Variants in ARHGAP44 observed in about 807,000 individuals in gnomAD.
ARHGAP44 encodes the protein Rho GTPase activating protein 44.
ARHGAP44 carries 43 observed loss-of-function variants against 106.8 expected under a neutral mutation model. The ratio of observed to expected loss-of-function variants is 0.40; its 90% CI spans 0.32 to 0.52. The LOEUF (loss-of-function observed/expected upper bound fraction) is 0.52. Among genes scored for constraint, ARHGAP44 ranks in the 20% least tolerant of loss-of-function variants. The pLI, the probability that ARHGAP44 is intolerant of heterozygous loss-of-function variation, is 0.48. For synonymous variants in ARHGAP44, 439 were observed against 410.3 expected (o/e 1.07, Z -0.85); for missense variants, 866 against 1,050.5 (o/e 0.82, Z 2.43).
At chr17:12,942,739 C>T (rs1333995287) in intron 8 of ARHGAP44, among the ~76,000 whole-genome samples, 2 of 152,190 alleles carry the variant, frequency 1.3e-5, no homozygotes, top group South Asian at 2.1e-4. Flanking sequence ...CTTATACATG[C>T]CCAGTTTTGG....
intron 1 of ARHGAP44, among the ~76,000 whole-genome samples, chr17:12,809,753 T>C (rs1421813185): frequency 6.6e-6 from 1 of 152,074 alleles, no homozygotes; most frequent in African/African-American, 2.4e-5. Context: ...AGTGAGATAA[T>C]GGTCATCTAG....
intron 19 of ARHGAP44, among the ~76,000 whole-genome samples, chr17:12,980,595 G>A (rs1193785048): frequency 2.6e-5 from 4 of 152,068 alleles, no homozygotes; most frequent in African/African-American, 9.7e-5. Flanking sequence ...CTCCTTCCCC[G>A]CAGGGCAGCC....
At chr17:12,841,262 G>A (rs563361754) in intron 1 of ARHGAP44, among the ~76,000 whole-genome samples, 20 of 152,234 alleles carry the variant, frequency 1.3e-4, no homozygotes, top group Middle Eastern at 3.4e-3. Flanking sequence ...CCCAGAACTA[G>A]GAAATGGATT....
At chr17:12,802,835 T>G in intron 1 of ARHGAP44, among the ~76,000 whole-genome samples, 1 of 135,182 alleles carries the variant, frequency 7.4e-6, no homozygotes. Context: ...CTCGGTCCAC[T>G]GCAACCTCCG....
intron 1 of ARHGAP44, among the ~76,000 whole-genome samples, chr17:12,887,383 C>T (rs1241349677): frequency 1.3e-5 from 2 of 151,992 alleles, no homozygotes; most frequent in Admixed American, 6.6e-5. Flanking sequence ...CATGTACTAC[C>T]ATGCCTGGCT....
intron 6 of ARHGAP44, among the ~76,000 whole-genome samples, chr17:12,926,154 C>G (rs2150962531): frequency 6.6e-6 from 1 of 152,052 alleles, no homozygotes; most frequent in African/African-American, 2.4e-5. Flanking sequence ...GGCCTGAGGT[C>G]AGGAGTTCAA....
In ARHGAP44 at chr17:12,991,447, A is replaced by G. The variant is rs903533472; in HGVS notation, c.*1276A>G. On this transcript the variant is annotated 3_prime_UTR_variant, in exon 21 of 21. Coordinates refer to ENST00000379672, the MANE Select transcript of ARHGAP44 (RefSeq NM_014859.6). ...TTAGTTATTTTTCCCAACACAGTGTAAAGTCACCCTCCTCTGAGAGTGGGA... is the reference window on the plus strand; with the variant it reads ...TTAGTTATTTTTCCCAACACAGTGTGAAGTCACCCTCCTCTGAGAGTGGGA... 5.9e-6 allele frequency: 1 copy of G among 168,436 alleles called. No homozygotes were observed. Among genetic ancestry groups the G allele is most frequent in the Non-Finnish European group, 1.3e-5 (1 of 77,166 alleles). The allele number at this position is 168,436 out of a possible 1,614,324, so 10.4% of individuals were successfully genotyped here. A position where few individuals can be genotyped will look rare whatever the true frequency, so the allele number is the denominator to read the frequency against.
chr17:12,874,276 A>C (rs1054162373), intron 1 of ARHGAP44, among the ~76,000 whole-genome samples: 1 of 152,220 alleles, frequency 6.6e-6, no homozygotes, highest in South Asian at 2.1e-4. Context: ...ATGGCTGAAG[A>C]CCGGGTCACA....
chr17:12,926,590 G>A (rs946113362), intron 6 of ARHGAP44, among the ~76,000 whole-genome samples: 1 of 147,606 alleles, frequency 6.8e-6, no homozygotes, highest in East Asian at 2.0e-4. Flanking sequence ...TATAAAAAGG[G>A]GAAATGTATA....
intron 1 of ARHGAP44, among the ~76,000 whole-genome samples, chr17:12,835,846 C>T (rs2035222318): frequency 6.6e-6 from 1 of 152,138 alleles, no homozygotes; most frequent in African/African-American, 2.4e-5. Flanking sequence ...CTTTCTGTCT[C>T]TGTGAATTTG....
At chr17:12,932,235 T>C (rs2038423311) in intron 7 of ARHGAP44, among the ~76,000 whole-genome samples, 1 of 152,238 alleles carries the variant, frequency 6.6e-6, no homozygotes, top group Non-Finnish European at 1.5e-5. Flanking sequence ...AAAAACTACC[T>C]CTTCACTATT....
intron 16 of ARHGAP44, among the ~76,000 whole-genome samples, chr17:12,972,474 C>G (rs986120841): frequency 6.6e-6 from 1 of 151,686 alleles, no homozygotes; most frequent in African/African-American, 2.4e-5. Context: ...ATGGTTAAAC[C>G]CTGTCTCTAC....
chr17:12,955,743 T>C, intron 13 of ARHGAP44, 124 bp from the exon 14 acceptor site: 1 of 616,880 alleles, frequency 1.6e-6, no homozygotes, highest in South Asian at 2.1e-5. Context: ...GTTCATTACA[T>C]TGCAGGTGCA....
chr17:12,864,069 T>G (rs1306832647), intron 1 of ARHGAP44, among the ~76,000 whole-genome samples: 2 of 152,180 alleles, frequency 1.3e-5, no homozygotes, highest in African/African-American at 4.8e-5. Context: ...GGGATGTCAT[T>G]ACTGTCACAT....
chr17:12,812,436 A>G lies in ARHGAP44; in HGVS notation c.53+22545A>G, dbSNP rs192718636. ...TACACTAAAGCAAAGGGGACATGCA[A>G]ATCTAAGACCTGGATCTAGATGTGT... On this transcript the variant is annotated intron_variant, in intron 1 of 20. Transcript: ENST00000379672. Among the ~76,000 whole-genome samples, 154 of 152,332 alleles carry G rather than the reference A, an allele frequency of 1.0e-3. 1 individual carries two copies. Among genetic ancestry groups the G allele is most frequent in the Admixed American group, 9.1e-3 (140 of 15,310 alleles).
intron 1 of ARHGAP44, among the ~76,000 whole-genome samples, chr17:12,841,594 T>TGTCTCTCTCTCACACA (rs1555546085): frequency 7.9e-6 from 1 of 126,514 alleles, no homozygotes; most frequent in African/African-American, 3.5e-5. Flanking sequence ...TGTCTCTCTC[T>TGTCTCTCTCTCACACA]CACACACACA....
At chr17:12,884,669 C>T (rs554631366) in intron 1 of ARHGAP44, among the ~76,000 whole-genome samples, 2 of 152,308 alleles carry the variant, frequency 1.3e-5, no homozygotes, top group Admixed American at 1.3e-4. Context: ...AAAGTTCCCT[C>T]ATGCGGCATC....
At chr17:12,856,069 T>C (rs1456816011) in intron 1 of ARHGAP44, among the ~76,000 whole-genome samples, 3 of 152,196 alleles carry the variant, frequency 2.0e-5, no homozygotes, top group African/African-American at 7.2e-5. Flanking sequence ...ATCCCCGCAA[T>C]GGGAGATAAA....
intron 1 of ARHGAP44, among the ~76,000 whole-genome samples, chr17:12,839,117 A>G (rs917887826): frequency 6.6e-6 from 1 of 152,158 alleles, no homozygotes; most frequent in Non-Finnish European, 1.5e-5. Flanking sequence ...CAGCAGGAAA[A>G]AGATCCACTG....
Sources: gnomAD v4.1 joint callset for allele counts (sites outside exome capture counted in the v4.1 genomes callset) on GRCh38, gnomAD v4.1.1 for gene constraint, MANE v1.5 for transcripts, NCBI Gene and HGNC (gene_info 2026-07-23, HGNC 2026-07-21) for gene names.